Variants in OLA1 observed in about 807,000 individuals in gnomAD.
OLA1 encodes Obg like ATPase 1.
A neutral mutation model predicts 48.4 loss-of-function variants in OLA1; 14 were observed. The ratio of observed to expected loss-of-function variants is 0.29; its 90% CI spans 0.19 to 0.45. The LOEUF is 0.45. Among genes scored for constraint, OLA1 ranks in the 20% least tolerant of loss-of-function variants. The probability of loss-of-function intolerance (pLI) is 1.00; values close to 1 mark genes in which losing one functional copy is unlikely to be tolerated. For synonymous variants in OLA1, 127 were observed against 150.4 expected (o/e 0.84, Z 1.14); for missense variants, 325 against 467.1 (o/e 0.70, Z 2.80).
chr2:174,202,662 T>G lies in OLA1; in HGVS notation c.373+20371A>C, dbSNP rs115330719. 3.0e-3 allele frequency among the ~76,000 whole-genome samples: 454 copies of G among 152,210 alleles called. 4 individuals carry two copies. The highest frequency in any genetic ancestry group is 9.9e-3 in the African/African-American group (409 of 41,520). The stretch of plus-strand genomic sequence containing the variant: ...GGTCCACTTAATAGGGACCGTAGAT[T>G]GAGATCTACAGCTGTGGTTGCTACC... On this transcript the variant is annotated intron_variant, in intron 4 of 10. Transcript: ENST00000284719.
chr2:174,246,989 T>G (rs1281518718), intron 1 of OLA1, 174 bp from the exon 2 acceptor site: 5 of 431,956 alleles, frequency 1.2e-5, no homozygotes, highest in Non-Finnish European at 2.1e-5. Flanking sequence ...CAAAAATGTT[T>G]AAAAAGTTCT....
chr2:174,197,989 G>A (rs1185415675), intron 4 of OLA1, among the ~76,000 whole-genome samples: 1 of 152,184 alleles, frequency 6.6e-6, no homozygotes, highest in Non-Finnish European at 1.5e-5. Context: ...TTTTGAGATG[G>A]AGTCTTGCTC....
chr2:174,163,831 T>C (rs1359008944), intron 4 of OLA1, among the ~76,000 whole-genome samples: 1 of 143,240 alleles, frequency 7.0e-6, no homozygotes, highest in Non-Finnish European at 1.5e-5. Context: ...AGTTTTTTCA[T>C]TTAGAGTACA....
chr2:174,091,663 A>G (rs920789783), intron 7 of OLA1, among the ~76,000 whole-genome samples: 1 of 151,988 alleles, frequency 6.6e-6, no homozygotes, highest in Non-Finnish European at 1.5e-5. Context: ...AGGTGGGCAG[A>G]ACACCTGAGG....
intron 4 of OLA1, among the ~76,000 whole-genome samples, chr2:174,166,724 A>G (rs184991177): frequency 6.6e-6 from 1 of 152,310 alleles, no homozygotes; most frequent in East Asian, 1.9e-4. Context: ...AATTTATCTA[A>G]GTGAAAATCA....
At chr2:174,126,633 T>C (rs939353989) in intron 5 of OLA1, among the ~76,000 whole-genome samples, 2 of 152,170 alleles carry the variant, frequency 1.3e-5, no homozygotes, top group Admixed American at 6.5e-5. Context: ...ACCTACTTCA[T>C]TGATAAAATG....
intron 4 of OLA1, among the ~76,000 whole-genome samples, chr2:174,185,264 C>G (rs1489410246): frequency 6.6e-6 from 1 of 152,166 alleles, no homozygotes; most frequent in Non-Finnish European, 1.5e-5. Context: ...CAATTCCTTT[C>G]ACAACCCATT....
At chr2:174,091,577 A>G (rs1685113162) in intron 7 of OLA1, among the ~76,000 whole-genome samples, 1 of 152,194 alleles carries the variant, frequency 6.6e-6, no homozygotes, top group Admixed American at 6.5e-5. Context: ...CTTAAATGTT[A>G]CTTTTTAACA....
chr2:174,142,815 T>TA (rs933799634), intron 4 of OLA1, among the ~76,000 whole-genome samples: 4 of 152,128 alleles, frequency 2.6e-5, no homozygotes, highest in African/African-American at 7.2e-5. Flanking sequence ...AATAGTATCA[T>TA]AAAAAATGAA....
At chr2:174,235,729 C>T (rs1315638317) in intron 2 of OLA1, among the ~76,000 whole-genome samples, 3 of 152,148 alleles carry the variant, frequency 2.0e-5, no homozygotes, top group Non-Finnish European at 4.4e-5. Flanking sequence ...GTGGGAGCTG[C>T]ACAGAGAAAA....
intron 7 of OLA1, among the ~76,000 whole-genome samples, chr2:174,082,788 T>G (rs957436470): frequency 1.3e-5 from 2 of 152,110 alleles, no homozygotes; most frequent in African/African-American, 4.8e-5. Flanking sequence ...GAAAAGACAT[T>G]ATTGAGTCAT....
In OLA1 at chr2:174,082,008, G is replaced by A; in HGVS notation, c.785C>T (p.Pro262Leu). The change falls in exon 8 of 11, where the codon CCT becomes CTT. Residue 262 changes from proline (P) to leucine (L), a missense_variant. Coordinates refer to ENST00000284719, the MANE Select transcript of OLA1 (RefSeq NM_013341.5). Reference protein sequence around the residue: ...DKYDPGALVIPFSGALELKLQ... With the variant: ...DKYDPGALVILFSGALELKLQ... Reference sequence around the variant, plus strand: ...CTTGAGTTCCAAGGCCCCACTAAAAGGAATGACCAAAGCACCTGGGTCATA... The same window carrying A: ...CTTGAGTTCCAAGGCCCCACTAAAAAGAATGACCAAAGCACCTGGGTCATA... 6.2e-7 allele frequency: 1 copy of A among 1,613,440 alleles called. No homozygotes were observed. The highest frequency in any genetic ancestry group is 8.5e-7 in the Non-Finnish European group (1 of 1,179,536).
intron 7 of OLA1, among the ~76,000 whole-genome samples, chr2:174,110,302 A>ATTTTTTTTTT (rs575026912): frequency 2.4e-3 from 269 of 113,808 alleles, no homozygotes; most frequent in Non-Finnish European, 3.4e-3. Flanking sequence ...CCATGCTTGG[A>ATTTTTTTTTT]TTTTTTTTTT....
chr2:174,140,927 A>C (rs1212709971), intron 5 of OLA1, among the ~76,000 whole-genome samples: 1 of 150,526 alleles, frequency 6.6e-6, no homozygotes, highest in Non-Finnish European at 1.5e-5. Context: ...TATTTTTAAA[A>C]ATATTTTATT....
intron 2 of OLA1, among the ~76,000 whole-genome samples, chr2:174,231,569 T>A (rs1447121318): frequency 2.6e-5 from 4 of 152,336 alleles, no homozygotes; most frequent in East Asian, 1.9e-4. Flanking sequence ...TGTGATTTTT[T>A]AAAATGTATC....
At chr2:174,248,033 C>T (rs1017002093) in intron 1 of OLA1, 1 of 366,142 alleles carries the variant, frequency 2.7e-6, no homozygotes, top group Non-Finnish European at 5.0e-6. Flanking sequence ...TGATCCCTGA[C>T]CCCGAGGGCC....
chr2:174,205,126 T>A (rs1301546055), intron 4 of OLA1, among the ~76,000 whole-genome samples: 1 of 152,206 alleles, frequency 6.6e-6, no homozygotes, highest in Non-Finnish European at 1.5e-5. Flanking sequence ...CTTCCTCAGT[T>A]CTTTAAAAGT....
chr2:174,190,243 T>G (rs1687745574), intron 4 of OLA1, among the ~76,000 whole-genome samples: 1 of 152,204 alleles, frequency 6.6e-6, no homozygotes, highest in Non-Finnish European at 1.5e-5. Flanking sequence ...GCATATACCT[T>G]TATGTCTGTT....
chr2:174,235,759 G>A (rs1688833406), intron 2 of OLA1, among the ~76,000 whole-genome samples: 1 of 152,176 alleles, frequency 6.6e-6, no homozygotes, highest in Admixed American at 6.5e-5. Flanking sequence ...GAGCTGCAGA[G>A]GGTCCCCTCA....
Sources: allele counts gnomAD v4.1 joint callset (sites outside exome capture counted in the v4.1 genomes callset), GRCh38; gene constraint gnomAD v4.1.1; transcripts MANE v1.5; gene names NCBI Gene and HGNC (gene_info 2026-07-23, HGNC 2026-07-21).